The following RBMS3 variants were observed in gnomAD, a reference collection of about 807,000 sequenced individuals.
RBMS3 encodes RNA binding motif single stranded interacting protein 3, also known as RNA-binding motif, single-stranded-interacting protein 3.
Under a neutral mutation model 66.8 loss-of-function variants are expected in RBMS3, and 27 were observed. The ratio of observed to expected loss-of-function variants is 0.40; its 90% CI spans 0.30 to 0.56. The LOEUF (loss-of-function observed/expected upper bound fraction) is 0.56, where lower values mean the gene tolerates loss of function less well. Ranked by LOEUF, RBMS3 falls within the 20% of genes least tolerant of loss-of-function variation. RBMS3 has a pLI of 0.40. For synonymous variants in RBMS3, 188 were observed against 183.0 expected (o/e 1.03, Z -0.22); for missense variants, 513 against 549.5 (o/e 0.93, Z 0.66).
At chr3:29,469,528 A>G (rs764874212) in intron 2 of RBMS3, among the ~76,000 whole-genome samples, 2 of 151,984 alleles carry the variant, frequency 1.3e-5, no homozygotes, top group Non-Finnish European at 2.9e-5. Context: ...TAAACCATTG[A>G]AAATAACAGA....
chr3:29,585,442 G>T (rs929938724), intron 3 of RBMS3, among the ~76,000 whole-genome samples: 2 of 152,144 alleles, frequency 1.3e-5, no homozygotes, highest in Non-Finnish European at 2.9e-5. Context: ...AAGGACACAT[G>T]CAGACTTTAC....
intron 6 of RBMS3, among the ~76,000 whole-genome samples, chr3:29,857,716 T>C (rs890616343): frequency 2.0e-5 from 3 of 152,090 alleles, no homozygotes; most frequent in African/African-American, 7.2e-5. Flanking sequence ...GCAGGACCAG[T>C]GAGGTAGACA....
chr3:29,407,401 G>A (rs1006537529), intron 1 of RBMS3, among the ~76,000 whole-genome samples: 2 of 152,014 alleles, frequency 1.3e-5, no homozygotes, highest in South Asian at 2.1e-4. Flanking sequence ...ATTTCTTACC[G>A]CTGCATTCTG....
At chr3:29,689,094 TATAGAA>T in intron 4 of RBMS3, among the ~76,000 whole-genome samples, 1 of 137,992 alleles carries the variant, frequency 7.2e-6, no homozygotes, top group African/African-American at 2.8e-5. Flanking sequence ...TATATACCTA[TATAGAA>T]ATAGATATAG....
chr3:29,323,815 G>T (rs13065011), intron 1 of RBMS3, among the ~76,000 whole-genome samples: 21 of 151,210 alleles, frequency 1.4e-4, no homozygotes, highest in Non-Finnish European at 2.7e-4. Context: ...TTTCCCCCAT[G>T]ATTTTTATTT....
chr3:29,301,975 A>G (rs767143677), intron 1 of RBMS3, among the ~76,000 whole-genome samples: 6 of 151,966 alleles, frequency 3.9e-5, no homozygotes, highest in Non-Finnish European at 8.8e-5. Flanking sequence ...ACACAAAGAC[A>G]TATCCATCTC....
At chr3:29,741,464 G>A (rs2054643487) in intron 5 of RBMS3, among the ~76,000 whole-genome samples, 1 of 152,182 alleles carries the variant, frequency 6.6e-6, no homozygotes, top group African/African-American at 2.4e-5. Flanking sequence ...TGAACCAACT[G>A]TCATGTTTTA....
chr3:29,616,023 C>T (rs746295152), intron 4 of RBMS3: 2 of 152,144 alleles, frequency 1.3e-5, no homozygotes, highest in African/African-American at 2.4e-5. Context: ...AGAAGCCACT[C>T]GTTGACGACC....
intron 2 of RBMS3, among the ~76,000 whole-genome samples, chr3:29,438,310 G>T (rs1480584188): frequency 6.6e-6 from 1 of 151,964 alleles, no homozygotes; most frequent in Non-Finnish European, 1.5e-5. Flanking sequence ...AATATCCATT[G>T]TAATAAAATA....
intron 1 of RBMS3, among the ~76,000 whole-genome samples, chr3:29,402,529 G>T (rs1280789803): frequency 1.3e-5 from 2 of 151,956 alleles, no homozygotes. Context: ...AATGTACTTT[G>T]ACTTCCTTTA....
At chr3:29,704,020 A>G (rs1023859818) in intron 4 of RBMS3, among the ~76,000 whole-genome samples, 1 of 152,200 alleles carries the variant, frequency 6.6e-6, no homozygotes, top group Non-Finnish European at 1.5e-5. Context: ...ATGAGAATCT[A>G]ATGTCTGATG....
At chr3:29,635,461 A>G (rs545724807) in intron 4 of RBMS3, among the ~76,000 whole-genome samples, 2 of 151,930 alleles carry the variant, frequency 1.3e-5, no homozygotes, top group South Asian at 2.1e-4. Flanking sequence ...CCTTCAAAAT[A>G]TATTCAGAAG....
chr3:29,470,036 AAAG>A (rs2042668796), intron 2 of RBMS3, among the ~76,000 whole-genome samples: 1 of 147,856 alleles, frequency 6.8e-6, no homozygotes, highest in Non-Finnish European at 1.5e-5. Flanking sequence ...AAAATATATA[AAAG>A]AATAATATAC....
intron 4 of RBMS3, among the ~76,000 whole-genome samples, chr3:29,633,608 G>C (rs1242188826): frequency 6.6e-6 from 1 of 151,656 alleles, no homozygotes; most frequent in African/African-American, 2.4e-5. Context: ...TACTGATGTG[G>C]CTAATGGGCA....
At chr3:29,408,228 C>T (rs950414972) in intron 1 of RBMS3, among the ~76,000 whole-genome samples, 28 of 141,972 alleles carry the variant, frequency 2.0e-4, no homozygotes, top group East Asian at 2.2e-4. Flanking sequence ...GCCGAGATTG[C>T]GCCACTGCAC....
intron 3 of RBMS3, among the ~76,000 whole-genome samples, chr3:29,537,190 G>A (rs2045587753): frequency 1.3e-5 from 2 of 151,916 alleles, no homozygotes; most frequent in African/African-American, 4.8e-5. Context: ...ACTGACACAT[G>A]AGGGAAAGTA....
intron 6 of RBMS3, among the ~76,000 whole-genome samples, chr3:29,777,360 G>A (rs976125419): frequency 6.6e-6 from 1 of 151,816 alleles, no homozygotes; most frequent in Non-Finnish European, 1.5e-5. Context: ...TTGAACATAC[G>A]ATGTTTGATA....
chr3:29,926,775 G>T (rs1360926452), intron 10 of RBMS3: 2 of 152,194 alleles, frequency 1.3e-5, no homozygotes, highest in Non-Finnish European at 2.9e-5. Flanking sequence ...AGGCTGGCCT[G>T]AGTACTGCAT....
At chr3:29,537,822 C>CAAAA (rs1195812359) in intron 3 of RBMS3, among the ~76,000 whole-genome samples, 12 of 70,730 alleles carry the variant, frequency 1.7e-4, no homozygotes, top group Non-Finnish European at 1.8e-4. Context: ...GACTCCACCT[C>CAAAA]AAAAAAAAAA....
Sources: allele counts gnomAD v4.1 joint callset (sites outside exome capture counted in the v4.1 genomes callset), GRCh38; gene constraint gnomAD v4.1.1; transcripts MANE v1.5; gene names NCBI Gene and HGNC (gene_info 2026-07-23, HGNC 2026-07-21).